CABLES2: variants seen among roughly 807,000 people sequenced by gnomAD.
CABLES2 encodes the protein CDK5 and ABL1 enzyme substrate 2.
CABLES2 carries 35 observed loss-of-function variants against 44.8 expected under a neutral mutation model. The ratio of observed to expected loss-of-function variants is 0.78; its 90% CI spans 0.60 to 1.04. The LOEUF is 1.04. Ranked by LOEUF, CABLES2 falls within the 50% of genes least tolerant of loss-of-function variation. CABLES2 has a pLI of 0.00. For missense variants in CABLES2, 566 were observed against 615.7 expected, an observed-to-expected ratio of 0.92 and a Z score of 0.85; for synonymous variants, 282 against 281.1, an observed-to-expected ratio of 1.00 and a Z score of -0.03.
chr20:62,397,500 C>T (rs1988041237), intron 1 of CABLES2, among the ~76,000 whole-genome samples: 1 of 152,176 alleles, frequency 6.6e-6, no homozygotes, highest in African/African-American at 2.4e-5. Flanking sequence ...CCTTGAAGAC[C>T]CCTCAGGGCA....
In CABLES2 at chr20:62,390,720, T is replaced by G; in HGVS notation, c.*251A>C. The G allele has an allele frequency of 1.9e-6, 1 of 526,348 alleles. No individual in the cohort carries two copies. The allele number at this position is 526,348 out of a possible 1,614,324, so 32.6% of individuals were successfully genotyped here. On this transcript the variant is annotated 3_prime_UTR_variant, in exon 10 of 10. Coordinates refer to ENST00000279101, the MANE Select transcript of CABLES2 (RefSeq NM_031215.3). ...AAAATACCAGTAACAAACCTCACAT[T>G]TAGTTTATGTAAAAATGCAGGAGAA...
Position 62,396,639 on chromosome 20 carries a change from C to T in CABLES2, c.363-47G>A, listed in dbSNP as rs780827750. 3.2e-6 allele frequency: 5 copies of T among 1,566,508 alleles called. 1 individual carries two copies. The Middle Eastern group carries it at 6.7e-4, about 210-fold the overall frequency. Reference sequence around the variant, plus strand: ...TCAAAACAGGCCACCAGCCCGGGTGCCGCCTTTGTGGCCAGAAACCGAGTG... The same window carrying T: ...TCAAAACAGGCCACCAGCCCGGGTGTCGCCTTTGTGGCCAGAAACCGAGTG... On this transcript the variant is annotated intron_variant, in intron 1 of 9. Transcript: ENST00000279101. This position sits in a 1 kb window ranked among gnomAD's most constrained non-coding sequence, Gnocchi z 5.7.
chr20:62,399,719 G>A (rs548078686), intron 1 of CABLES2, among the ~76,000 whole-genome samples: 4 of 149,870 alleles, frequency 2.7e-5, no homozygotes, highest in African/African-American at 7.4e-5. Context: ...TCAGCCTCCC[G>A]AGTAGCTGAG....
At chr20:62,402,738 G>C (rs528434240) in intron 1 of CABLES2, 3 of 152,490 alleles carry the variant, frequency 2.0e-5, no homozygotes, top group Admixed American at 6.5e-5. Context: ...ACTCCCTGCG[G>C]GGGCTGCAGC....
rs1988058869 is a variant in CABLES2 at position 62,397,953 on chromosome 20, G to GCGA, written c.363-1362_363-1361insTCG. ...GGTGGTGGTGATGGTGGTGACGGTA[G>GCGA]TGGTGGTGATGGTGGTGACAGTGGT... On this transcript the variant is annotated intron_variant, in intron 1 of 9. Transcript: ENST00000279101. 4.1e-4 allele frequency among the ~76,000 whole-genome samples: 9 copies of GCGA among 21,730 alleles called. 1 individual carries two copies. Among genetic ancestry groups the GCGA allele is most frequent in the Admixed American group, 3.5e-3 (8 of 2,268 alleles). 14.3% of individuals were successfully genotyped at this position (21,730 alleles called of 152,430 possible).
chr20:62,406,539 G>T (rs1245592409), intron 1 of CABLES2, among the ~76,000 whole-genome samples: 1 of 125,382 alleles, frequency 8.0e-6, no homozygotes, highest in African/African-American at 3.3e-5. Context: ...TGTGTGGGGG[G>T]TGACAGGGCC....
rs544809679 is a variant in CABLES2 at position 62,394,105 on chromosome 20, C to T, written c.714+52G>A. On this transcript the variant is annotated intron_variant, in intron 5 of 9. Transcript: ENST00000279101. ...GCACTGACGTGGGACTGCTCCCACC[C>T]GCCTGCCTGGCCCTGACGGCGCTGG... The T allele has an allele frequency of 5.8e-5, 85 of 1,459,232 alleles. 1 individual carries two copies. The Middle Eastern group carries it at 2.1e-3, about 36-fold the overall frequency. The allele number at this position is 1,459,232 out of a possible 1,614,324, so 90.4% of individuals were successfully genotyped here.
intron 5 of CABLES2, 67 bp downstream of exon 5, chr20:62,394,089 TG>T: frequency 3.2e-6 from 4 of 1,234,612 alleles, no homozygotes; most frequent in Non-Finnish European, 4.8e-6. Context: ...GGCACTGACG[TG>T]GGACTGCTCC....
rs575269635 is a variant in CABLES2 at position 62,389,331 on chromosome 20, A to C, written c.*1640T>G. 1 of 152,320 alleles carries C rather than the reference A, an allele frequency of 6.6e-6. No individual in the cohort carries two copies. Among genetic ancestry groups the C allele is most frequent in the Admixed American group, 6.5e-5 (1 of 15,286 alleles). 9.4% of individuals were successfully genotyped at this position (152,320 alleles called of 1,614,324 possible). On this transcript the variant is annotated 3_prime_UTR_variant, in exon 10 of 10. Transcript: ENST00000279101. ...GCTTGATGGAAGGGGACGCTCCACA[A>C]TAAGAAAGAACAAAGGCTTTGGTTT... is the stretch of plus-strand genomic sequence containing the variant.
chr20:62,390,758 C>G lies in CABLES2; in HGVS notation c.*213G>C. 1 of 579,752 alleles carries G rather than the reference C, an allele frequency of 1.7e-6. No individual in the cohort carries two copies. The highest frequency in any genetic ancestry group is 2.2e-5 in the South Asian group (1 of 44,922). 35.9% of individuals were successfully genotyped at this position (579,752 alleles called of 1,614,324 possible). A position where few individuals can be genotyped will look rare whatever the true frequency, so the allele number is the denominator to read the frequency against. ...AAATGCAGGAGAATTCTCAGAAATCCCCTCGGAGGGACGGTGCACTTGGGG... is the reference window on the plus strand; with the variant it reads ...AAATGCAGGAGAATTCTCAGAAATCGCCTCGGAGGGACGGTGCACTTGGGG... On this transcript the variant is annotated 3_prime_UTR_variant, in exon 10 of 10. Transcript: ENST00000279101.
At chr20:62,393,801 T>C (rs1987964280) in intron 5 of CABLES2, among the ~76,000 whole-genome samples, 196 bp from the exon 6 acceptor site, 1 of 152,184 alleles carries the variant, frequency 6.6e-6, no homozygotes, top group Non-Finnish European at 1.5e-5. Flanking sequence ...TCCGGAACAC[T>C]ACTGTGCTTT....
In CABLES2 at chr20:62,392,453, C is replaced by G. The variant is rs1158801422; in HGVS notation, c.1027G>C (p.Asp343His). 6.2e-7 allele frequency: 1 copy of G among 1,613,960 alleles called. No homozygotes were observed. The highest frequency in any genetic ancestry group is 1.1e-5 in the South Asian group (1 of 91,092). The change falls in exon 8 of 10, where the codon GAC becomes CAC. Residue 343 changes from aspartate (D) to histidine (H), a missense_variant. Coordinates refer to ENST00000279101, the MANE Select transcript of CABLES2 (RefSeq NM_031215.3). ...TTCTCCCTGAAGGTCTCGTTCATGT[C>G]CTTTTTGAGGTCTGAGGGCTTCACG... ...EYVKPSDLKK[D>H]MNETFREKFP...
At chr20:62,406,253 A>C (rs1988280736) in intron 1 of CABLES2, among the ~76,000 whole-genome samples, 1 of 152,030 alleles carries the variant, frequency 6.6e-6, no homozygotes, top group Non-Finnish European at 1.5e-5. Context: ...CAGTGCCAGG[A>C]GGACCCCGGC....
chr20:62,390,803 C>A lies in CABLES2; in HGVS notation c.*168G>T, dbSNP rs567662570. The A allele has an allele frequency of 8.4e-6, 6 of 715,796 alleles. No individual in the cohort carries two copies. The Admixed American group carries it at 1.4e-4, about 17-fold the overall frequency. The allele number at this position is 715,796 out of a possible 1,614,324, so 44.3% of individuals were successfully genotyped here. A position where few individuals can be genotyped will look rare whatever the true frequency, so the allele number is the denominator to read the frequency against. Reference sequence around the variant, plus strand: ...TTGGGGATGAAAGCGACGTCTCTTTCCAAGGAAATGGCAAAGAGGCAAAAA... The same window carrying A: ...TTGGGGATGAAAGCGACGTCTCTTTACAAGGAAATGGCAAAGAGGCAAAAA... On this transcript the variant is annotated 3_prime_UTR_variant, in exon 10 of 10. Transcript: ENST00000279101.
intron 3 of CABLES2, among the ~76,000 whole-genome samples, chr20:62,395,938 T>A (rs747349792): frequency 3.9e-5 from 6 of 152,218 alleles, no homozygotes; most frequent in Non-Finnish European, 7.4e-5. Context: ...GCCAGGTGTT[T>A]GGTTTATTCA....
At chr20:62,398,116 T>TGGC (rs1988092812) in intron 1 of CABLES2, among the ~76,000 whole-genome samples, 2 of 137,758 alleles carry the variant, frequency 1.5e-5, no homozygotes, top group Non-Finnish European at 3.1e-5. Context: ...ATGGTGGTGG[T>TGGC]GGTGGTGGTT....
chr20:62,392,217 C>T (rs1216688322), intron 8 of CABLES2, among the ~76,000 whole-genome samples, 172 bp downstream of exon 8: 1 of 61,992 alleles, frequency 1.6e-5, no homozygotes, highest in African/African-American at 6.5e-5. Context: ...CCTGGCTTGG[C>T]GGGCGGTGGA....
intron 1 of CABLES2, among the ~76,000 whole-genome samples, chr20:62,406,652 G>GGTC (rs71195456): frequency 8.8e-5 from 13 of 148,546 alleles, no homozygotes; most frequent in Admixed American, 6.0e-4. Flanking sequence ...TGAGGGCCCA[G>GGTC]ACTGACCCTG....
intron 4 of CABLES2, among the ~76,000 whole-genome samples, 180 bp from the exon 5 acceptor site, chr20:62,394,445 G>A (rs1036083884): frequency 2.6e-5 from 4 of 152,194 alleles, no homozygotes; most frequent in Non-Finnish European, 4.4e-5. Flanking sequence ...TTCATGGAAG[G>A]AGGGGTTTTT....
Sources: gnomAD v4.1 joint callset for allele counts (sites outside exome capture counted in the v4.1 genomes callset) on GRCh38, gnomAD v4.1.1 for gene constraint, Gnocchi (gnomAD v3.1) non-coding constraint, MANE v1.5 for transcripts, NCBI Gene and HGNC (gene_info 2026-07-23, HGNC 2026-07-21) for gene names.